The following NUP188 variants were observed in gnomAD, a reference collection of about 807,000 sequenced individuals.
The protein encoded by NUP188 is nucleoporin 188, also known as nucleoporin NUP188.
A neutral mutation model predicts 223.0 loss-of-function variants in NUP188; 97 were observed. The ratio of observed to expected loss-of-function variants is 0.43; its 90% confidence interval spans 0.37 to 0.51. NUP188 has a LOEUF of 0.51. Among genes scored for constraint, NUP188 ranks in the 20% least tolerant of loss-of-function variants. NUP188 has a pLI of 0.00. For missense variants in NUP188, 1,947 were observed against 2,175.6 expected, an observed-to-expected ratio of 0.89 and a Z score of 2.09; for synonymous variants, 869 against 828.0, an observed-to-expected ratio of 1.05 and a Z score of -0.85.
chr9:128,983,424 G>A, intron 18 of NUP188, 44 bp downstream of exon 18: 1 of 1,609,160 alleles, frequency 6.2e-7, no homozygotes, highest in Non-Finnish European at 8.5e-7. Flanking sequence ...GTAGCACTTG[G>A]CACATACCTG....
At chr9:128,960,987 G>C (rs1414641085) in intron 8 of NUP188, among the ~76,000 whole-genome samples, 1 of 150,850 alleles carries the variant, frequency 6.6e-6, no homozygotes, top group Admixed American at 6.6e-5. Context: ...CAGGAGGCTG[G>C]AGTGGGAGAT....
intron 2 of NUP188, among the ~76,000 whole-genome samples, chr9:128,952,452 T>C (rs999568403): frequency 6.7e-6 from 1 of 149,926 alleles, no homozygotes; most frequent in Non-Finnish European, 1.5e-5. Context: ...GTCGGGTGCC[T>C]TGGCTCACGC....
At chr9:129,003,165 C>G in intron 37 of NUP188, 152 bp from the exon 38 acceptor site, 1 of 1,132,792 alleles carries the variant, frequency 8.8e-7, no homozygotes, top group Non-Finnish European at 1.2e-6. Flanking sequence ...GGAACGGTCT[C>G]GGGTCAGAAT....
rs1253363749 is a variant in NUP188 at position 129,003,600 on chromosome 9, G to A, written c.4434+146G>A. ...TGGGGAGCACAGGGTTTGCTGTCAT[G>A]TGCTTACTCTGGCTAAATGTTTCCT... On this transcript the variant is annotated intron_variant, in intron 38 of 43. Transcript: ENST00000372577. 1.8e-5 allele frequency: 17 copies of A among 949,440 alleles called. No homozygotes were observed. The East Asian group carries it at 3.1e-4, about 18-fold the overall frequency. The allele number at this position is 949,440 out of a possible 1,614,324, so 58.8% of individuals were successfully genotyped here. A position where few individuals can be genotyped will look rare whatever the true frequency, so the allele number is the denominator to read the frequency against.
At chr9:128,987,566 C>T in intron 22 of NUP188, 23 bp from the exon 23 acceptor site, 1 of 1,602,332 alleles carries the variant, frequency 6.2e-7, no homozygotes, top group Non-Finnish European at 8.5e-7. Flanking sequence ...TCCCTGGTAA[C>T]TCAGAATACC....
intron 12 of NUP188, among the ~76,000 whole-genome samples, chr9:128,975,844 C>T (rs1171593715): frequency 4.0e-5 from 6 of 151,662 alleles, no homozygotes; most frequent in Non-Finnish European, 8.8e-5. Flanking sequence ...TGTTTTGAAA[C>T]GGAGTCTCAC....
At chr9:128,984,155 G>T (rs1842298327) in intron 19 of NUP188, among the ~76,000 whole-genome samples, 1 of 92,638 alleles carries the variant, frequency 1.1e-5, no homozygotes, top group Admixed American at 1.0e-4. Context: ...AGATGGAGTT[G>T]CGCTCTTGTT....
intron 8 of NUP188, among the ~76,000 whole-genome samples, chr9:128,963,501 G>C (rs1841983329): frequency 7.9e-6 from 1 of 126,676 alleles, no homozygotes; most frequent in Non-Finnish European, 1.7e-5. Context: ...ACCATGCCCA[G>C]CCGTAAATGA....
In NUP188 at chr9:128,988,176, C is replaced by CTCACAACATGGTATGTATTTCTCTTCCAG; in HGVS notation, c.2533+23_2533+51dup. On this transcript the variant is annotated frameshift_variant, in exon 24 of 44. Transcript: ENST00000372577. LOFTEE classifies it high-confidence loss of function. The stretch of plus-strand genomic sequence containing the variant: ...TGGTGTCCCCCCTGGAACAGGCTCT[C>CTCACAACATGGTATGTATTTCTCTTCCAG]TCACAACATGGTATGTATTTCTCTT... The CTCACAACATGGTATGTATTTCTCTTCCAG allele has an allele frequency of 7.8e-5, 126 of 1,614,046 alleles. 3 individuals carry two copies. In the South Asian group the frequency reaches 9.8e-4, roughly 13 times the overall value.
chr9:128,964,277 C>T, intron 8 of NUP188: 1 of 389,846 alleles, frequency 2.6e-6, no homozygotes, highest in Non-Finnish European at 5.0e-6. Context: ...TCTTTATATA[C>T]AGTATTGTAA....
rs1841895978 is a variant in NUP188 at position 128,958,046 on chromosome 9, A to G, written c.364A>G (p.Ile122Val). The G allele has an allele frequency of 1.2e-6, 2 of 1,612,902 alleles. No homozygotes were observed. Among genetic ancestry groups the G allele is most frequent in the Admixed American group, 1.7e-5 (1 of 59,970 alleles). The change falls in exon 6 of 44, where the codon ATC (isoleucine) becomes GTC (valine). Residue 122 changes from isoleucine (I) to valine (V), a missense_variant. Physicochemically the swap from Ile to Val is conservative, Grantham distance 29. Transcript: ENST00000372577. Reference protein sequence around the residue: ...LQDERQSQALILKIADYYYEE... With the variant: ...LQDERQSQALVLKIADYYYEE... ...AGATGAGAGGCAGAGCCAGGCCTTAATCCTGAAGGTCAGTAGTAGTCACCA... is the reference window on the plus strand; with the variant it reads ...AGATGAGAGGCAGAGCCAGGCCTTAGTCCTGAAGGTCAGTAGTAGTCACCA...
rs1564567934 is a variant in NUP188 at position 129,001,868 on chromosome 9, CT to C, written c.4045-13del. On this transcript the variant is annotated splice_polypyrimidine_tract_variant and intron_variant, in intron 35 of 43. Transcript: ENST00000372577. ...GGGCAGGCTCCATCTCATTTCCTGTCTTTCCCTCCTCCCAGGGAGCCACAGC... is the reference window on the plus strand; with the variant it reads ...GGGCAGGCTCCATCTCATTTCCTGTCTTCCCTCCTCCCAGGGAGCCACAGC... 2 of 1,612,682 alleles carry C rather than the reference CT, an allele frequency of 1.2e-6. No homozygotes were observed. The highest frequency in any genetic ancestry group is 4.5e-5 in the East Asian group (2 of 44,872).
Position 128,958,911 on chromosome 9 carries a change from C to T in NUP188, c.465+17C>T. 1 of 1,505,164 alleles carries T rather than the reference C, an allele frequency of 6.6e-7. No homozygotes were observed. The highest frequency in any genetic ancestry group is 9.1e-7 in the Non-Finnish European group (1 of 1,097,294). 93.2% of individuals were successfully genotyped at this position (1,505,164 alleles called of 1,614,324 possible). Reference sequence around the variant, plus strand: ...CCCTATAGGGTAAGCTTGTTTAGTCCTCTTGCTTCTCTTTATACTGTATCA... The same window carrying T: ...CCCTATAGGGTAAGCTTGTTTAGTCTTCTTGCTTCTCTTTATACTGTATCA... On this transcript the variant is annotated intron_variant, in intron 7 of 43. Transcript: ENST00000372577.
Position 128,949,187 on chromosome 9 carries a change from A to G in NUP188, c.33-2A>G. 1 of 1,610,108 alleles carries G rather than the reference A, an allele frequency of 6.2e-7. No homozygotes were observed. Among genetic ancestry groups the G allele is most frequent in the Non-Finnish European group, 8.5e-7 (1 of 1,176,874 alleles). ...AATTACCTCTGTTCTCTCATTTTGC[A>G]GGAGCAGTAGAGAACTGTGGACTAT... On this transcript the variant is annotated splice_acceptor_variant, in intron 1 of 43. Coordinates refer to ENST00000372577, the MANE Select transcript of NUP188 (RefSeq NM_015354.3). LOFTEE classifies it high-confidence loss of function.
At chr9:128,948,034 C>T (rs751055964) in intron 1 of NUP188, 2 of 337,066 alleles carry the variant, frequency 5.9e-6, no homozygotes, top group Non-Finnish European at 1.1e-5. Context: ...CTCTCACCTC[C>T]GACGCGTCTC....
Position 128,986,647 on chromosome 9 carries a change from C to T in NUP188, c.2166C>T (p.Arg722=). 1 of 1,614,190 alleles carries T rather than the reference C, an allele frequency of 6.2e-7. No homozygotes were observed. Among genetic ancestry groups the T allele is most frequent in the Non-Finnish European group, 8.5e-7 (1 of 1,180,042 alleles). The part of the protein sequence containing the change: ...KEMLPSYHKW[R]YNSHGVREQI... Reference sequence around the variant, plus strand: ...TGCTTCCCAGCTACCATAAGTGGCGCTACAACTCTCATGGAGTGAGGGAAC... The same window carrying T: ...TGCTTCCCAGCTACCATAAGTGGCGTTACAACTCTCATGGAGTGAGGGAAC... The change falls in exon 21 of 44, where the codon CGC becomes CGT. Residue 722 remains arginine (R), a synonymous_variant. Coordinates refer to ENST00000372577, the MANE Select transcript of NUP188 (RefSeq NM_015354.3).
At chr9:128,961,568 A>T (rs1242018765) in intron 8 of NUP188, among the ~76,000 whole-genome samples, 1 of 145,902 alleles carries the variant, frequency 6.9e-6, no homozygotes, top group African/African-American at 2.7e-5. Flanking sequence ...ATATATATCT[A>T]TATCTATATC....
At chr9:128,957,972 A>G (rs370237099) in intron 5 of NUP188, 38 bp from the exon 6 acceptor site, 7 of 1,560,198 alleles carry the variant, frequency 4.5e-6, no homozygotes, top group African/African-American at 1.4e-5. Flanking sequence ...AGTTTTGCCT[A>G]AAAGATGGCC....
intron 32 of NUP188, 41 bp downstream of exon 32, chr9:128,998,664 T>G (rs1204183136): frequency 6.7e-7 from 1 of 1,490,418 alleles, no homozygotes; most frequent in Non-Finnish European, 9.3e-7. Flanking sequence ...GGCCAGAGCC[T>G]TCTTGTCAGT....
Sources: allele counts gnomAD v4.1 joint callset (sites outside exome capture counted in the v4.1 genomes callset), GRCh38; gene constraint gnomAD v4.1.1; transcripts MANE v1.5; gene names NCBI Gene and HGNC (gene_info 2026-07-23, HGNC 2026-07-21).